USH2A: variants seen among roughly 807,000 people sequenced by gnomAD.
USH2A encodes Usher syndrome 2A (autosomal recessive, mild).
In USH2A, 443 loss-of-function variants were observed where a neutral mutation model predicts 538.9. That is an observed-to-expected ratio of 0.82 (90% CI 0.76 to 0.89). The LOEUF is 0.89. USH2A is among the 40% of genes least tolerant of loss of function. The probability of loss-of-function intolerance (pLI) is 0.00; values close to 1 mark genes in which losing one functional copy is unlikely to be tolerated. For missense variants in USH2A, 6,633 were observed against 6,324.8 expected (o/e 1.05, Z -1.65); for synonymous variants, 2,413 against 2,273.5 (o/e 1.06, Z -1.75).
intron 38 of USH2A, among the ~76,000 whole-genome samples, chr1:215,911,806 A>G (rs1401487718): frequency 6.6e-6 from 1 of 152,100 alleles, no homozygotes; most frequent in Non-Finnish European, 1.5e-5. Flanking sequence ...TAGTGGTTGT[A>G]CTAATTTACA....
In USH2A at chr1:215,674,256, C is replaced by T. The variant is rs2102664776; in HGVS notation, c.13655G>A (p.Trp4552Ter). The T allele has an allele frequency of 1.2e-6, 2 of 1,614,140 alleles. No individual in the cohort carries two copies. Among genetic ancestry groups the T allele is most frequent in the South Asian group, 1.1e-5 (1 of 91,078 alleles). The change falls in exon 63 of 72, where the codon TGG becomes TAG. Residue 4552 changes from tryptophan (W) to a stop codon, truncating the protein, a stop_gained. Transcript: ENST00000307340. LOFTEE classifies it high-confidence loss of function. Reference protein sequence around the residue: ...ARGPQEILVNWDPPVRTNGDI... With the variant: ...ARGPQEILVN The stretch of plus-strand genomic sequence containing the variant: ...ACCATTTGTTCTCACTGGAGGGTCC[C>T]AGTTCACTAAGATCTCCTGAGGACC...
intron 48 of USH2A, among the ~76,000 whole-genome samples, chr1:215,816,383 A>C (rs1571715014): frequency 6.6e-6 from 1 of 152,128 alleles, no homozygotes; most frequent in East Asian, 1.9e-4. Flanking sequence ...TCACTTTCTT[A>C]ATTATGGTGT....
intron 3 of USH2A, among the ~76,000 whole-genome samples, chr1:216,388,759 T>C (rs891841116): frequency 3.9e-5 from 6 of 152,236 alleles, no homozygotes; most frequent in African/African-American, 1.4e-4. Context: ...AGCAGTCCAA[T>C]AGCAACTTCT....
intron 59 of USH2A, 131 bp from the exon 60 acceptor site, chr1:215,741,668 G>T: frequency 9.9e-7 from 1 of 1,007,148 alleles, no homozygotes; most frequent in Non-Finnish European, 1.4e-6. Flanking sequence ...TTGTACATGT[G>T]TTTTAAATAA....
Position 216,070,150 on chromosome 1 carries a change from G to A in USH2A, c.6000C>T (p.Pro2000=), listed in dbSNP as rs2102546065. The change falls in exon 30 of 72, where the codon CCC becomes CCT. Residue 2000 remains proline, a synonymous_variant. Coordinates refer to ENST00000307340, the MANE Select transcript of USH2A (RefSeq NM_206933.4). ...KAYSEDSTRP[P]RMPSASAEFV... ...ATTCAGCACTGGCAGAGGGCATGCG[G>A]GGTGGACGGGTGCTGTCCTCACTAT... 6.2e-7 allele frequency: 1 copy of A among 1,614,006 alleles called. No individual in the cohort carries two copies. Among genetic ancestry groups the A allele is most frequent in the Admixed American group, 1.7e-5 (1 of 59,996 alleles).
intron 58 of USH2A, among the ~76,000 whole-genome samples, chr1:215,745,159 A>G (rs1208269365): frequency 6.6e-6 from 1 of 152,164 alleles, no homozygotes; most frequent in Admixed American, 6.5e-5. Context: ...TTAGAGTAAG[A>G]CTTTTAGAGT....
intron 4 of USH2A, among the ~76,000 whole-genome samples, chr1:216,343,314 C>T (rs1205865260): frequency 6.8e-6 from 1 of 147,022 alleles, no homozygotes; most frequent in Non-Finnish European, 1.5e-5. Context: ...CTTTGGGTGG[C>T]TGAGGTAGGA....
rs752916220 is a variant in USH2A at position 215,838,075 on chromosome 1, A to T, written c.9287T>A (p.Val3096Glu). The change falls in exon 47 of 72, where the codon GTG (valine) becomes GAG (glutamate). Residue 3096 changes from valine to glutamate, a missense_variant. Val to Glu is a moderately radical substitution (Grantham distance 121). Coordinates refer to ENST00000307340, the MANE Select transcript of USH2A (RefSeq NM_206933.4). ...QVEVCTIYAC[V>E]KSNGTQITTV... ...GGTAATTTGGGTTCCATTGCTTTTC[A>T]CGCAGGCATATATTGTGCAGACTTC... 1 of 1,613,992 alleles carries T rather than the reference A, an allele frequency of 6.2e-7. No individual in the cohort carries two copies. Among genetic ancestry groups the T allele is most frequent in the South Asian group, 1.1e-5 (1 of 91,082 alleles).
At chr1:216,045,301 T>C (rs564953311) in intron 32 of USH2A, among the ~76,000 whole-genome samples, 67 of 152,240 alleles carry the variant, frequency 4.4e-4, no homozygotes, top group African/African-American at 1.5e-3. Flanking sequence ...ATAATACAAA[T>C]ATAAACACAG....
chr1:215,663,019 G>A (rs983280836), intron 64 of USH2A, among the ~76,000 whole-genome samples: 4 of 152,158 alleles, frequency 2.6e-5, no homozygotes, highest in Non-Finnish European at 5.9e-5. Flanking sequence ...TGGAATTTTA[G>A]TCATGGGTAT....
rs1558140481 is a variant in USH2A, at chr1:215,877,849, G to A, written c.8590C>T (p.Pro2864Ser). ...YELLRRKIQQ[P>S]LASNPPEDLN... is the part of the protein sequence containing the mutation. ...TCTTCTGGGGGATTTGATGCAAGTG[G>A]CTGCTGGATTTTACGTCTCAGAAGC... Residue 2864 changes from proline (P) to serine (S), a missense_variant, in exon 43 of 72, where the codon CCA becomes TCA. Coordinates refer to ENST00000307340, the MANE Select transcript of USH2A (RefSeq NM_206933.4). 1.2e-6 allele frequency: 2 copies of A among 1,613,756 alleles called. No individual in the cohort carries two copies. The highest frequency in any genetic ancestry group is 1.1e-5 in the South Asian group (1 of 91,078).
intron 37 of USH2A, among the ~76,000 whole-genome samples, chr1:215,952,026 G>A (rs1297089615): frequency 2.0e-5 from 3 of 150,562 alleles, no homozygotes; most frequent in African/African-American, 4.9e-5. Flanking sequence ...CACCGCGCCC[G>A]GCTAATTTTT....
Position 216,009,962 on chromosome 1 carries a change from C to T in USH2A, c.6326-9400G>A, listed in dbSNP as rs114557834. The stretch of plus-strand genomic sequence containing the variant: ...AAATCCAGCCCAGTTCATGGTCGCT[C>T]GGCATCAACCCTGAGAAGCTTTACA... On this transcript the variant is annotated intron_variant, in intron 32 of 71. Coordinates refer to ENST00000307340, the MANE Select transcript of USH2A (RefSeq NM_206933.4). Among the ~76,000 whole-genome samples, 1,100 of 152,190 alleles carry T rather than the reference C, an allele frequency of 7.2e-3. 11 individuals are homozygous for T. Among genetic ancestry groups the T allele is most frequent in the African/African-American group, 0.025 (1,041 of 41,504 alleles).
At chr1:215,902,667 C>T (rs976985613) in intron 38 of USH2A, among the ~76,000 whole-genome samples, 32 of 152,088 alleles carry the variant, frequency 2.1e-4, no homozygotes, top group African/African-American at 7.2e-4. Context: ...AACTTCAATT[C>T]GATGGGAAGA....
intron 4 of USH2A, among the ~76,000 whole-genome samples, chr1:216,363,739 T>C (rs181213490): frequency 2.2e-4 from 34 of 152,096 alleles, no homozygotes; most frequent in African/African-American, 7.7e-4. Flanking sequence ...TACAATTGCA[T>C]AGAATACAGC....
At chr1:215,973,971 A>ACAC (rs1571858943) in intron 35 of USH2A, among the ~76,000 whole-genome samples, 14 of 72,536 alleles carry the variant, frequency 1.9e-4, no homozygotes, top group African/African-American at 6.4e-4. Context: ...CACACACACA[A>ACAC]ACACAGAGTT....
chr1:215,699,681 G>C (rs1370230233), intron 61 of USH2A, among the ~76,000 whole-genome samples: 1 of 152,156 alleles, frequency 6.6e-6, no homozygotes, highest in Non-Finnish European at 1.5e-5. Flanking sequence ...CTGAGAATTT[G>C]CTTATCAGCT....
chr1:215,850,751 A>G (rs889252295), intron 44 of USH2A, among the ~76,000 whole-genome samples: 4 of 152,200 alleles, frequency 2.6e-5, no homozygotes, highest in Non-Finnish European at 5.9e-5. Context: ...CATTCTATTC[A>G]TCAGCACATG....
chr1:216,095,416 C>T (rs1203710178), intron 22 of USH2A, among the ~76,000 whole-genome samples: 1 of 152,248 alleles, frequency 6.6e-6, no homozygotes, highest in South Asian at 2.1e-4. Context: ...TCAACTTCAG[C>T]TGATTTTTTA....
Sources: allele counts gnomAD v4.1 joint callset (sites outside exome capture counted in the v4.1 genomes callset), GRCh38; gene constraint gnomAD v4.1.1; transcripts MANE v1.5; gene names NCBI Gene and HGNC (gene_info 2026-07-23, HGNC 2026-07-21).